Variants in ANGPTL1 observed in about 807,000 individuals in gnomAD.
ANGPTL1 encodes angiopoietin-related protein 1.
ANGPTL1 carries 36 observed loss-of-function variants against 46.7 expected under a neutral mutation model. The ratio of observed to expected loss-of-function variants is 0.77; its 90% confidence interval spans 0.59 to 1.02. The LOEUF is 1.02. Ranked by LOEUF, ANGPTL1 falls within the 50% of genes least tolerant of loss-of-function variation. ANGPTL1 has a pLI of 0.00. For missense variants in ANGPTL1, 571 were observed against 594.7 expected (o/e 0.96, Z 0.41); for synonymous variants, 221 against 204.3 (o/e 1.08, Z -0.69).
At chr1:178,852,594 A>G (rs1657246632) in intron 5 of ANGPTL1, 89 bp downstream of exon 5, 3 of 1,403,534 alleles carry the variant, frequency 2.1e-6, no homozygotes, top group Non-Finnish European at 2.9e-6. Context: ...ACCTTTTTGA[A>G]AAGACTTTAG....
rs1422151360 is a variant in ANGPTL1, at chr1:178,849,619, C to T, written c.*1510G>A. 3 of 152,138 alleles carry T rather than the reference C, an allele frequency of 2.0e-5. No homozygotes were observed. Among genetic ancestry groups the T allele is most frequent in the Admixed American group, 6.5e-5 (1 of 15,272 alleles). 9.4% of individuals were successfully genotyped at this position (152,138 alleles called of 1,614,324 possible). ...CCAGTTCCTTCCAGGAATCTTATAA[C>T]AGATTCTTTGGTTCTGAAGGAAGTG... is the stretch of plus-strand genomic sequence containing the variant. On this transcript the variant is annotated 3_prime_UTR_variant, in exon 6 of 6. Coordinates refer to ENST00000234816, the MANE Select transcript of ANGPTL1 (RefSeq NM_004673.4).
At chr1:178,858,281 T>G (rs1267813370) in intron 3 of ANGPTL1, among the ~76,000 whole-genome samples, 2 of 152,198 alleles carry the variant, frequency 1.3e-5, no homozygotes, top group Non-Finnish European at 2.9e-5. Context: ...TCTTATTTAC[T>G]TTCTGCCCTA....
intron 4 of ANGPTL1, chr1:178,853,236 C>CT (rs1317281034): frequency 1.0e-6 from 1 of 978,352 alleles, no homozygotes; most frequent in Admixed American, 6.2e-5. Flanking sequence ...TCCATAGCTA[C>CT]TAAAAATATT....
At position 178,858,648 on chromosome 1, in the gene ANGPTL1, A is replaced by C. The variant is rs1363069841; in HGVS notation, c.824-4861T>G. On this transcript the variant is annotated intron_variant, in intron 3 of 5. Transcript: ENST00000234816. ...AATTTATGTGAGGATTAAAGTTTAC[A>C]TAGGGCTAATGAAACCATATTAATA... Among the ~76,000 whole-genome samples, 4 of 152,240 alleles carry C rather than the reference A, an allele frequency of 2.6e-5. No homozygotes were observed. In the East Asian group the frequency reaches 7.7e-4, roughly 29 times the overall value.
intron 3 of ANGPTL1, among the ~76,000 whole-genome samples, chr1:178,862,542 C>T (rs1263219054): frequency 6.6e-6 from 1 of 152,078 alleles, no homozygotes; most frequent in Non-Finnish European, 1.5e-5. Context: ...GAGGAACGAT[C>T]ACTTCAAACC....
intron 5 of ANGPTL1, among the ~76,000 whole-genome samples, chr1:178,851,768 C>G (rs773813620): frequency 1.3e-5 from 2 of 152,108 alleles, no homozygotes; most frequent in Non-Finnish European, 2.9e-5. Context: ...TATGGTCTAT[C>G]TCTCCTCTTT....
At chr1:178,866,190 G>T (rs145980210) in intron 2 of ANGPTL1, among the ~76,000 whole-genome samples, 1 of 152,184 alleles carries the variant, frequency 6.6e-6, no homozygotes, top group African/African-American at 2.4e-5. Flanking sequence ...TATGAAAATG[G>T]TACACAGTGT....
At chr1:178,859,141 C>CTTTT (rs10623482) in intron 3 of ANGPTL1, among the ~76,000 whole-genome samples, 5 of 151,530 alleles carry the variant, frequency 3.3e-5, no homozygotes, top group African/African-American at 9.7e-5. Context: ...GCAACCCAAA[C>CTTTT]TTTTAATTAT....
chr1:178,869,784 C>G (rs948288051), intron 1 of ANGPTL1, among the ~76,000 whole-genome samples: 3 of 151,946 alleles, frequency 2.0e-5, no homozygotes, highest in African/African-American at 7.3e-5. Context: ...AAAGGAGCCC[C>G]AAATCTAACA....
chr1:178,867,449 C>T (rs762556437), intron 2 of ANGPTL1, among the ~76,000 whole-genome samples: 2 of 152,038 alleles, frequency 1.3e-5, no homozygotes, highest in African/African-American at 2.4e-5. Flanking sequence ...ATTTATAACA[C>T]TGAAGTAATG....
rs762689640 is a variant in ANGPTL1 at position 178,865,037 on chromosome 1, C to G, written c.740G>C (p.Arg247Thr). The change falls in exon 3 of 6, where the codon AGA (arginine) becomes ACA (threonine). Residue 247 changes from arginine to threonine, a missense_variant. Arg to Thr is a moderately conservative substitution (Grantham distance 71). Coordinates refer to ENST00000234816, the MANE Select transcript of ANGPTL1 (RefSeq NM_004673.4). ...NEIQRDPGYPRDLMPPPDLAT... is the reference protein window; with the variant it reads ...NEIQRDPGYPTDLMPPPDLAT... ...CAGATCAGGTGGTGGCATTAAATCT[C>G]TGGGATAACCTGGATCCCTCTGAAT... 15 of 1,491,892 alleles carry G rather than the reference C, an allele frequency of 1.0e-5. No individual in the cohort carries two copies. In the East Asian group the frequency reaches 3.3e-4, roughly 32 times the overall value. 92.4% of individuals were successfully genotyped at this position (1,491,892 alleles called of 1,614,324 possible). A position where few individuals can be genotyped will look rare whatever the true frequency, so the allele number is the denominator to read the frequency against.
Position 178,869,238 on chromosome 1 carries a change from A to G in ANGPTL1, c.-136-15T>C, listed in dbSNP as rs1218422677. 1 of 152,098 alleles carries G rather than the reference A, an allele frequency of 6.6e-6. No homozygotes were observed. The highest frequency in any genetic ancestry group is 1.5e-5 in the Non-Finnish European group (1 of 67,952). The allele number at this position is 152,098 out of a possible 1,614,324, so 9.4% of individuals were successfully genotyped here. A position where few individuals can be genotyped will look rare whatever the true frequency, so the allele number is the denominator to read the frequency against. The stretch of plus-strand genomic sequence containing the variant: ...TATATTGCCAGCTAGTAGAGAGAAG[A>G]AACGAAAGTCAGGATTTGCCTCCTT... On this transcript the variant is annotated splice_polypyrimidine_tract_variant and intron_variant, in intron 1 of 5. Coordinates refer to ENST00000234816, the MANE Select transcript of ANGPTL1 (RefSeq NM_004673.4).
At chr1:178,853,543 T>C in intron 4 of ANGPTL1, 51 bp downstream of exon 4, 10 of 1,346,980 alleles carry the variant, frequency 7.4e-6, no homozygotes, top group Non-Finnish European at 9.9e-6. Context: ...TCTTGCATTA[T>C]TGCAAGAATG....
chr1:178,866,710 A>G (rs1306660068), intron 2 of ANGPTL1, among the ~76,000 whole-genome samples: 1 of 152,150 alleles, frequency 6.6e-6, no homozygotes, highest in Non-Finnish European at 1.5e-5. Context: ...TGCATGTTGA[A>G]GGCTAAGGCC....
At position 178,850,502 on chromosome 1, in the gene ANGPTL1, T is replaced by G. The variant is rs1657099924; in HGVS notation, c.*627A>C. On this transcript the variant is annotated 3_prime_UTR_variant, in exon 6 of 6. Transcript: ENST00000234816. Reference sequence around the variant, plus strand: ...ATTTAAATTATGCATGCATTATTTTTGGGTTTTTTTTTATTTTTAAAAATG... The same window carrying G: ...ATTTAAATTATGCATGCATTATTTTGGGGTTTTTTTTTATTTTTAAAAATG... The G allele has an allele frequency of 6.6e-6, 1 of 150,988 alleles. No individual in the cohort carries two copies. Among genetic ancestry groups the G allele is most frequent in the Admixed American group, 6.6e-5 (1 of 15,208 alleles). The allele number at this position is 150,988 out of a possible 1,614,324, so 9.4% of individuals were successfully genotyped here.
In ANGPTL1 at chr1:178,850,149, A is replaced by G. The variant is rs559183800; in HGVS notation, c.*980T>C. The G allele has an allele frequency of 2.6e-5, 4 of 152,766 alleles. No homozygotes were observed. The highest frequency in any genetic ancestry group is 2.6e-4 in the Admixed American group (4 of 15,296). The allele number at this position is 152,766 out of a possible 1,614,324, so 9.5% of individuals were successfully genotyped here. ...ATTCTCAGTATCGGGAAAACAGCCA[A>G]CAGTTCCTTGAGTTTGTTTTAGTCC... On this transcript the variant is annotated 3_prime_UTR_variant, in exon 6 of 6. Transcript: ENST00000234816.
At chr1:178,869,259 T>G (rs1361220190) in intron 1 of ANGPTL1, 36 bp from the exon 2 acceptor site, 1 of 152,086 alleles carries the variant, frequency 6.6e-6, no homozygotes, top group Non-Finnish European at 1.5e-5. Flanking sequence ...AGGATTTGCC[T>G]CCTTTCAGAT....
chr1:178,853,824 A>C, intron 3 of ANGPTL1, 37 bp from the exon 4 acceptor site: 1 of 1,482,130 alleles, frequency 6.7e-7, no homozygotes, highest in South Asian at 1.4e-5. Flanking sequence ...AGCAAACTTA[A>C]TATGAGAAGA....
At chr1:178,861,723 C>T (rs1658025502) in intron 3 of ANGPTL1, among the ~76,000 whole-genome samples, 1 of 152,124 alleles carries the variant, frequency 6.6e-6, no homozygotes, top group Non-Finnish European at 1.5e-5. Flanking sequence ...ATACAAACTA[C>T]TGATAAATTA....
Sources: gnomAD v4.1 joint callset for allele counts (sites outside exome capture counted in the v4.1 genomes callset) on GRCh38, gnomAD v4.1.1 for gene constraint, MANE v1.5 for transcripts, NCBI Gene and HGNC (gene_info 2026-07-23, HGNC 2026-07-21) for gene names.